Variants in ROBO1 observed in about 807,000 individuals in gnomAD.
ROBO1 encodes the protein roundabout guidance receptor 1.
ROBO1 carries 149 observed loss-of-function variants against 195.9 expected under a neutral mutation model. The observed-to-expected ratio is 0.76, with a 90% confidence interval of 0.67 to 0.87. ROBO1 has a LOEUF of 0.87. ROBO1 is among the 40% of genes least tolerant of loss of function. The pLI is 0.00. For synonymous variants in ROBO1, 816 were observed against 733.2 expected (o/e 1.11, Z -1.82); for missense variants, 1,933 against 2,068.3 (o/e 0.93, Z 1.27).
chr3:79,362,610 A>G (rs1240644488), intron 2 of ROBO1, among the ~76,000 whole-genome samples: 1 of 152,158 alleles, frequency 6.6e-6, no homozygotes, highest in Non-Finnish European at 1.5e-5. Context: ...CTTTAATTGT[A>G]TTAAAAGCCA....
intron 2 of ROBO1, among the ~76,000 whole-genome samples, chr3:79,381,504 A>C (rs1040136564): frequency 2.2e-4 from 34 of 152,228 alleles, no homozygotes; most frequent in African/African-American, 7.9e-4. Flanking sequence ...ATTCTTGGCC[A>C]TAGTTGTCAC....
At position 78,996,421 on chromosome 3, in the gene ROBO1, C is replaced by T. The variant is rs367557443; in HGVS notation, c.173-57494G>A. On this transcript the variant is annotated intron_variant, in intron 3 of 30. Transcript: ENST00000464233. ...TCTCTAATTTATCAAGCTTTTCCTA[C>T]CTCCAAACCTTTGTACTTATTTTAC... Among the ~76,000 whole-genome samples the T allele has an allele frequency of 3.1e-4, 47 of 151,942 alleles. 1 individual carries two copies. The highest frequency in any genetic ancestry group is 1.1e-3 in the African/African-American group (46 of 41,400).
intron 4 of ROBO1, among the ~76,000 whole-genome samples, chr3:78,901,936 C>A (rs1223723471): frequency 2.0e-5 from 3 of 152,176 alleles, no homozygotes; most frequent in Non-Finnish European, 4.4e-5. Flanking sequence ...AAGTTCTTTC[C>A]AGGAAATTAC....
chr3:79,145,695 A>G (rs2080634248), intron 2 of ROBO1, among the ~76,000 whole-genome samples: 1 of 152,046 alleles, frequency 6.6e-6, no homozygotes, highest in South Asian at 2.1e-4. Context: ...GGGGTCAGAC[A>G]GTGGATTGTC....
intron 1 of ROBO1, among the ~76,000 whole-genome samples, chr3:79,633,742 G>GA (rs1286469972): frequency 1.3e-5 from 2 of 151,462 alleles, no homozygotes; most frequent in Non-Finnish European, 2.9e-5. Flanking sequence ...AAAAACACAA[G>GA]AAAAAATAAC....
chr3:78,908,227 A>C (rs2038044828), intron 4 of ROBO1, among the ~76,000 whole-genome samples: 1 of 151,840 alleles, frequency 6.6e-6, no homozygotes, highest in African/African-American at 2.4e-5. Context: ...CGATTCCCAG[A>C]CTCACAACAC....
At chr3:78,708,223 A>G (rs1418392108) in intron 8 of ROBO1, among the ~76,000 whole-genome samples, 1 of 152,204 alleles carries the variant, frequency 6.6e-6, no homozygotes, top group Non-Finnish European at 1.5e-5. Flanking sequence ...ACTCAGAAAC[A>G]GGAGAAACTC....
At chr3:79,569,944 CA>C (rs1553766652) in intron 2 of ROBO1, among the ~76,000 whole-genome samples, 3 of 151,658 alleles carry the variant, frequency 2.0e-5, no homozygotes, top group South Asian at 2.1e-4. Flanking sequence ...ACTAAAAATA[CA>C]AAAAAATTGG....
chr3:78,599,999 G>C, intron 30 of ROBO1, 114 bp downstream of exon 30: 1 of 842,238 alleles, frequency 1.2e-6, no homozygotes, highest in South Asian at 1.4e-5. Context: ...AGACATTAGA[G>C]TACTGAAAAG....
intron 3 of ROBO1, among the ~76,000 whole-genome samples, chr3:79,059,995 T>C (rs1011048877): frequency 1.3e-4 from 19 of 151,998 alleles, no homozygotes; most frequent in African/African-American, 4.1e-4. Flanking sequence ...AGGAGAAATA[T>C]CGCTGAATTA....
chr3:79,442,603 T>C (rs1314275088), intron 2 of ROBO1, among the ~76,000 whole-genome samples: 1 of 152,086 alleles, frequency 6.6e-6, no homozygotes, highest in Non-Finnish European at 1.5e-5. Flanking sequence ...CTCACTTCTG[T>C]TGTCTCTGAA....
chr3:78,845,723 C>T (rs1053144698), intron 4 of ROBO1, among the ~76,000 whole-genome samples: 1 of 151,812 alleles, frequency 6.6e-6, no homozygotes, highest in Non-Finnish European at 1.5e-5. Context: ...GGGGAACCCC[C>T]GGAGGGGAAA....
chr3:78,868,165 G>A (rs964071230), intron 4 of ROBO1, among the ~76,000 whole-genome samples: 2 of 152,092 alleles, frequency 1.3e-5, no homozygotes, highest in African/African-American at 2.4e-5. Flanking sequence ...AAGGGCATGA[G>A]GAAAGGGAGC....
At chr3:79,483,775 G>A (rs530361936) in intron 2 of ROBO1, among the ~76,000 whole-genome samples, 1 of 152,234 alleles carries the variant, frequency 6.6e-6, no homozygotes, top group South Asian at 2.1e-4. Context: ...TTGCTAAGAT[G>A]AGCATGACTG....
At chr3:79,449,840 A>C (rs542254693) in intron 2 of ROBO1, among the ~76,000 whole-genome samples, 1 of 152,192 alleles carries the variant, frequency 6.6e-6, no homozygotes. Context: ...TGTGATGGCC[A>C]TAGTGTGTCA....
At chr3:79,714,032 C>T (rs530743366) in intron 1 of ROBO1, among the ~76,000 whole-genome samples, 1 of 152,210 alleles carries the variant, frequency 6.6e-6, no homozygotes, top group East Asian at 1.9e-4. Context: ...TAGCATGATG[C>T]CTCCAGTTTG....
At chr3:78,834,549 A>C (rs2032525763) in intron 4 of ROBO1, among the ~76,000 whole-genome samples, 1 of 151,580 alleles carries the variant, frequency 6.6e-6, no homozygotes, top group African/African-American at 2.4e-5. Flanking sequence ...AAAACCACAA[A>C]TATGTATTCA....
intron 3 of ROBO1, among the ~76,000 whole-genome samples, chr3:79,073,702 A>G (rs1323644949): frequency 1.3e-5 from 2 of 151,842 alleles, no homozygotes; most frequent in African/African-American, 4.8e-5. Flanking sequence ...TCTGTTTCTT[A>G]GCATTCAAAA....
At chr3:79,217,929 T>C (rs1028841471) in intron 2 of ROBO1, among the ~76,000 whole-genome samples, 1 of 151,824 alleles carries the variant, frequency 6.6e-6, no homozygotes, top group African/African-American at 2.4e-5. Flanking sequence ...AAAGTATACA[T>C]ACCCTGGTAA....
Sources: allele counts gnomAD v4.1 joint callset (sites outside exome capture counted in the v4.1 genomes callset), GRCh38; gene constraint gnomAD v4.1.1; transcripts MANE v1.5; gene names NCBI Gene and HGNC (gene_info 2026-07-23, HGNC 2026-07-21).